The following C17orf107 variants were observed in gnomAD, a reference collection of about 807,000 sequenced individuals.
C17orf107 encodes the protein uncharacterized protein C17orf107.
Under a neutral mutation model 8.9 loss-of-function variants are expected in C17orf107, and 9 were observed. The ratio of observed to expected loss-of-function variants is 1.02; its 90% CI spans 0.61 to 1.77. C17orf107 has a LOEUF of 1.77. Ranked by LOEUF, C17orf107 falls within the 40% of genes most tolerant of loss-of-function variation. The pLI, the probability that C17orf107 is intolerant of heterozygous loss-of-function variation, is 0.00. For synonymous variants in C17orf107, 139 were observed against 120.3 expected (o/e 1.16, Z -1.02); for missense variants, 281 against 249.0 (o/e 1.13, Z -0.86).
In C17orf107 at chr17:4,900,222, G is replaced by GTGC; in HGVS notation, c.277-14_277-12dup. Reference sequence around the variant, plus strand: ...GACCTCTGCCTCCCCGCTAACCCCTGTGCCCCCAATGCAGATCTCAGCCCT... The same window carrying GTGC: ...GACCTCTGCCTCCCCGCTAACCCCTGTGCTGCCCCCAATGCAGATCTCAGCCCT... On this transcript the variant is annotated splice_polypyrimidine_tract_variant and intron_variant, in intron 2 of 2. Coordinates refer to ENST00000381365, the MANE Select transcript of C17orf107 (RefSeq NM_001145536.2). 6.5e-7 allele frequency: 1 copy of GTGC among 1,546,198 alleles called. No homozygotes were observed. The highest frequency in any genetic ancestry group is 1.4e-5 in the African/African-American group (1 of 73,128).
Position 4,902,193 on chromosome 17 carries a change from C to G in C17orf107, c.*1660C>G, listed in dbSNP as rs774891621. ...GCACCCCAGGCCGGCTTCCCTCCAG[C>G]CTGGCGTCTGGCCCGGTTCTCACTT... On this transcript the variant is annotated 3_prime_UTR_variant, in exon 3 of 3. Coordinates refer to ENST00000381365, the MANE Select transcript of C17orf107 (RefSeq NM_001145536.2). The surrounding 1 kb of genome is among the most constrained non-coding windows in gnomAD (Gnocchi z 4.0). 1.2e-6 allele frequency: 2 copies of G among 1,613,664 alleles called. No individual in the cohort carries two copies. Among genetic ancestry groups the G allele is most frequent in the Non-Finnish European group, 1.7e-6 (2 of 1,179,804 alleles).
chr17:4,902,171 C>T lies in C17orf107; in HGVS notation c.*1638C>T. 6.2e-7 allele frequency: 1 copy of T among 1,613,664 alleles called. No individual in the cohort carries two copies. The highest frequency in any genetic ancestry group is 8.5e-7 in the Non-Finnish European group (1 of 1,179,574). On this transcript the variant is annotated 3_prime_UTR_variant, in exon 3 of 3. Coordinates refer to ENST00000381365, the MANE Select transcript of C17orf107 (RefSeq NM_001145536.2). This position sits in a 1 kb window ranked among gnomAD's most constrained non-coding sequence, Gnocchi z 4.0. ...CTTCCCCAACCAAGTCCAGCCCGCA[C>T]CCCAGGCCGGCTTCCCTCCAGCCTG...
At position 4,901,394 on chromosome 17, in the gene C17orf107, G is replaced by T. The variant is rs1042802403; in HGVS notation, c.*861G>T. On this transcript the variant is annotated 3_prime_UTR_variant, in exon 3 of 3. Transcript: ENST00000381365. ...GAGTAACAATCGAGAATGATTTCAGGACAGGGGTAAGCTAAACCCAGTTGT... is the reference window on the plus strand; with the variant it reads ...GAGTAACAATCGAGAATGATTTCAGTACAGGGGTAAGCTAAACCCAGTTGT... The T allele has an allele frequency of 2.0e-6, 2 of 988,528 alleles. No individual in the cohort carries two copies. Among genetic ancestry groups the T allele is most frequent in the Non-Finnish European group, 3.2e-6 (2 of 630,248 alleles). 61.2% of individuals were successfully genotyped at this position (988,528 alleles called of 1,614,324 possible).
rs946664930 is a variant in C17orf107, at chr17:4,901,697, A to AGCTGGGATCTAGCGGG, written c.*1167_*1182dup. ...CCCCGGCCTCAGGCCCAGCCCTGGA[A>AGCTGGGATCTAGCGGG]GCTGGGATCTAGCGGGGCCGCGATC... On this transcript the variant is annotated 3_prime_UTR_variant, in exon 3 of 3. Transcript: ENST00000381365. 7 of 1,469,090 alleles carry AGCTGGGATCTAGCGGG rather than the reference A, an allele frequency of 4.8e-6. No individual in the cohort carries two copies. The African/African-American group carries it at 8.3e-5, about 17-fold the overall frequency. The allele number at this position is 1,469,090 out of a possible 1,614,324, so 91.0% of individuals were successfully genotyped here. A position where few individuals can be genotyped will look rare whatever the true frequency, so the allele number is the denominator to read the frequency against.
In C17orf107 at chr17:4,902,324, A is replaced by G. The variant is rs777458923; in HGVS notation, c.*1791A>G. 11 of 1,614,134 alleles carry G rather than the reference A, an allele frequency of 6.8e-6. No homozygotes were observed. The highest frequency in any genetic ancestry group is 6.7e-5 in the Admixed American group (4 of 60,026). On this transcript the variant is annotated 3_prime_UTR_variant, in exon 3 of 3. Transcript: ENST00000381365. The surrounding 1 kb of genome is among the most constrained non-coding windows in gnomAD (Gnocchi z 4.0). ...TGTAGTTGAGTCGGTAATCCTGCCA[A>G]TCCTAAGGGGTGGGGGATGGAAGGC...
rs992581409 is a variant in C17orf107 at position 4,900,638 on chromosome 17, G to A, written c.*105G>A. On this transcript the variant is annotated 3_prime_UTR_variant, in exon 3 of 3. Coordinates refer to ENST00000381365, the MANE Select transcript of C17orf107 (RefSeq NM_001145536.2). ...GTCCAGCAGCAGTGAGGAGGACGGC[G>A]GACCAGGGACTCCATCCCCGTACCA... is the stretch of plus-strand genomic sequence containing the variant. 25 of 1,465,398 alleles carry A rather than the reference G, an allele frequency of 1.7e-5. No homozygotes were observed. Among genetic ancestry groups the A allele is most frequent in the Non-Finnish European group, 2.2e-5 (24 of 1,077,382 alleles). 90.8% of individuals were successfully genotyped at this position (1,465,398 alleles called of 1,614,324 possible). A position where few individuals can be genotyped will look rare whatever the true frequency, so the allele number is the denominator to read the frequency against.
In C17orf107 at chr17:4,901,768, C is replaced by G. The variant is rs1339039900; in HGVS notation, c.*1235C>G. 1.8e-5 allele frequency: 23 copies of G among 1,259,564 alleles called. No homozygotes were observed. The highest frequency in any genetic ancestry group is 2.6e-5 in the Non-Finnish European group (23 of 878,250). 78.0% of individuals were successfully genotyped at this position (1,259,564 alleles called of 1,614,324 possible). ...AAGCCCAGCCCGCACGCCTCTGTTC[C>G]CATCTGTACCTCCGGCCGCGCTGGA... On this transcript the variant is annotated 3_prime_UTR_variant, in exon 3 of 3. Coordinates refer to ENST00000381365, the MANE Select transcript of C17orf107 (RefSeq NM_001145536.2).
chr17:4,901,079 C>T lies in C17orf107; in HGVS notation c.*546C>T, dbSNP rs2151097307. The stretch of plus-strand genomic sequence containing the variant: ...GTTAATGACGTAGAAGAGCGGCTTC[C>T]GGCGGATGATGAGCGAGTAGATGAC... On this transcript the variant is annotated 3_prime_UTR_variant, in exon 3 of 3. Coordinates refer to ENST00000381365, the MANE Select transcript of C17orf107 (RefSeq NM_001145536.2). The T allele has an allele frequency of 6.2e-7, 1 of 1,613,912 alleles. No individual in the cohort carries two copies. Among genetic ancestry groups the T allele is most frequent in the Non-Finnish European group, 8.5e-7 (1 of 1,179,968 alleles).
chr17:4,906,277 C>T (rs1970091765), downstream of C17orf107, among the ~76,000 whole-genome samples: 1 of 152,154 alleles, frequency 6.6e-6, no homozygotes, highest in East Asian at 1.9e-4. Flanking sequence ...CCTGACACCA[C>T]ATGTCTGGTA....
At chr17:4,905,620 G>A (rs980823082), downstream of C17orf107, among the ~76,000 whole-genome samples, 1 of 151,772 alleles carries the variant, frequency 6.6e-6, no homozygotes, top group African/African-American at 2.4e-5. Context: ...CAGCACTTTG[G>A]GAGGCCAAGG....
rs932065785 is a variant in C17orf107 at position 4,899,675 on chromosome 17, C to G, written c.-88C>G. ...CTCACAAACACGGCTTCTCCTGGTA[C>G]GGGCTGGTTACGCCCTCCAGCTGCG... is the stretch of plus-strand genomic sequence containing the variant. On this transcript the variant is annotated 5_prime_UTR_variant, in exon 1 of 3. Coordinates refer to ENST00000381365, the MANE Select transcript of C17orf107 (RefSeq NM_001145536.2). The G allele has an allele frequency of 5.5e-6, 8 of 1,442,028 alleles. No individual in the cohort carries two copies. In the Admixed American group the frequency reaches 5.9e-5, roughly 11 times the overall value. 89.3% of individuals were successfully genotyped at this position (1,442,028 alleles called of 1,614,324 possible).
chr17:4,899,693 C>T lies in C17orf107; in HGVS notation c.-70C>T, dbSNP rs916430553. 4 of 1,469,642 alleles carry T rather than the reference C, an allele frequency of 2.7e-6. No individual in the cohort carries two copies. The African/African-American group carries it at 4.2e-5, about 15-fold the overall frequency. The allele number at this position is 1,469,642 out of a possible 1,614,324, so 91.0% of individuals were successfully genotyped here. On this transcript the variant is annotated 5_prime_UTR_variant, in exon 1 of 3. Coordinates refer to ENST00000381365, the MANE Select transcript of C17orf107 (RefSeq NM_001145536.2). ...CCTGGTACGGGCTGGTTACGCCCTC[C>T]AGCTGCGCCCCCTACACGACGACAG...
In C17orf107 at chr17:4,902,093, G is replaced by C. The variant is rs1321287135; in HGVS notation, c.*1560G>C. On this transcript the variant is annotated 3_prime_UTR_variant, in exon 3 of 3. Transcript: ENST00000381365. The surrounding 1 kb of genome is among the most constrained non-coding windows in gnomAD (Gnocchi z 4.0). ...CTCCGAACTGGCCATCAATACTGTG[G>C]GCTCGGGGAAACCGAGCTTTTTGCA... is the stretch of plus-strand genomic sequence containing the variant. The C allele has an allele frequency of 6.2e-7, 1 of 1,613,908 alleles. No individual in the cohort carries two copies. Among genetic ancestry groups the C allele is most frequent in the South Asian group, 1.1e-5 (1 of 91,078 alleles).
rs760806996 is a variant in C17orf107 at position 4,900,350 on chromosome 17, G to A, written c.390G>A (p.Gly130=). ...TGAGCCGGGTAGCCCAAGCCGCAGG[G>A]CAGGGGGTTCGGCAAGCTGGGGCTG... ...AALSRVAQAA[G]QGVRQAGAAV... is the part of the protein sequence containing the mutation. The change falls in exon 3 of 3, where the codon GGG becomes GGA. Residue 130 remains glycine, a synonymous_variant. Coordinates refer to ENST00000381365, the MANE Select transcript of C17orf107 (RefSeq NM_001145536.2). 2 of 1,547,794 alleles carry A rather than the reference G, an allele frequency of 1.3e-6. No homozygotes were observed. The highest frequency in any genetic ancestry group is 1.7e-6 in the Non-Finnish European group (2 of 1,146,376).
Position 4,900,032 on chromosome 17 carries a change from G to A in C17orf107, c.163G>A (p.Glu55Lys). Reference protein sequence around the residue: ...EQRFRELKSLEPPEPKMQGML... With the variant: ...EQRFRELKSLKPPEPKMQGML... ...GAGGTTCAGAGAGCTGAAGTCCCTG[G>A]AGCCACCCGAACCGAAGATGCAGGG... Residue 55 changes from glutamate to lysine, a missense_variant, in exon 2 of 3, where the codon GAG becomes AAG. Glu to Lys is a moderately conservative substitution (Grantham distance 56, BLOSUM62 1). Transcript: ENST00000381365. 1 of 1,551,406 alleles carries A rather than the reference G, an allele frequency of 6.4e-7. No homozygotes were observed. Among genetic ancestry groups the A allele is most frequent in the Non-Finnish European group, 8.7e-7 (1 of 1,146,980 alleles).
chr17:4,901,424 G>A lies in C17orf107; in HGVS notation c.*891G>A. 1 of 1,129,430 alleles carries A rather than the reference G, an allele frequency of 8.9e-7. No individual in the cohort carries two copies. Among genetic ancestry groups the A allele is most frequent in the Non-Finnish European group, 1.3e-6 (1 of 745,654 alleles). The allele number at this position is 1,129,430 out of a possible 1,614,324, so 70.0% of individuals were successfully genotyped here. The stretch of plus-strand genomic sequence containing the variant: ...GGGTAAGCTAAACCCAGTTGTGGAA[G>A]TCATCCTCCAGTGTCGTTGGTCCGG... On this transcript the variant is annotated 3_prime_UTR_variant, in exon 3 of 3. Coordinates refer to ENST00000381365, the MANE Select transcript of C17orf107 (RefSeq NM_001145536.2).
Position 4,902,752 on chromosome 17 carries a change from C to T in C17orf107, c.*2219C>T, listed in dbSNP as rs1970033314. 1.2e-6 allele frequency: 2 copies of T among 1,614,036 alleles called. No individual in the cohort carries two copies. The highest frequency in any genetic ancestry group is 8.5e-7 in the Non-Finnish European group (1 of 1,180,018). ...TAAAGACGCAGTTCCTCGTTCTTCC[C>T]CACACCCCTGCCTGCGATGGGGTCA... On this transcript the variant is annotated 3_prime_UTR_variant, in exon 3 of 3. Coordinates refer to ENST00000381365, the MANE Select transcript of C17orf107 (RefSeq NM_001145536.2). The surrounding 1 kb of genome is among the most constrained non-coding windows in gnomAD (Gnocchi z 4.0).
chr17:4,902,836 C>G lies in C17orf107; in HGVS notation c.*2303C>G. On this transcript the variant is annotated 3_prime_UTR_variant, in exon 3 of 3. Coordinates refer to ENST00000381365, the MANE Select transcript of C17orf107 (RefSeq NM_001145536.2). The surrounding 1 kb of genome is among the most constrained non-coding windows in gnomAD (Gnocchi z 4.0). Reference sequence around the variant, plus strand: ...AGCACCTCTCTCCCCTCTGCCTCCCCTGGGTCCTCACAGGCCTCTGAGGCT... The same window carrying G: ...AGCACCTCTCTCCCCTCTGCCTCCCGTGGGTCCTCACAGGCCTCTGAGGCT... The G allele has an allele frequency of 6.2e-7, 1 of 1,609,466 alleles. No homozygotes were observed. The highest frequency in any genetic ancestry group is 2.2e-5 in the East Asian group (1 of 44,854).
rs779901038 is a variant in C17orf107 at position 4,902,069 on chromosome 17, T to A, written c.*1536T>A. On this transcript the variant is annotated 3_prime_UTR_variant, in exon 3 of 3. Transcript: ENST00000381365. This position sits in a 1 kb window ranked among gnomAD's most constrained non-coding sequence, Gnocchi z 4.0. Reference sequence around the variant, plus strand: ...CGAGCACGTTGGCGTCGTAGGCCACTCCGAACTGGCCATCAATACTGTGGG... The same window carrying A: ...CGAGCACGTTGGCGTCGTAGGCCACACCGAACTGGCCATCAATACTGTGGG... 6.2e-7 allele frequency: 1 copy of A among 1,613,986 alleles called. No individual in the cohort carries two copies. The highest frequency in any genetic ancestry group is 1.1e-5 in the South Asian group (1 of 91,078).
Sources: allele counts gnomAD v4.1 joint callset (sites outside exome capture counted in the v4.1 genomes callset), GRCh38; gene constraint gnomAD v4.1.1; non-coding constraint Gnocchi (gnomAD v3.1); transcripts MANE v1.5; gene names NCBI Gene and HGNC (gene_info 2026-07-23, HGNC 2026-07-21).